Variants in SHISA9 observed in about 807,000 individuals in gnomAD.
SHISA9 encodes protein shisa-9.
In SHISA9, 13 loss-of-function variants were observed where a neutral mutation model predicts 38.0. The observed-to-expected ratio is 0.34, with a 90% confidence interval of 0.22 to 0.54. The LOEUF (loss-of-function observed/expected upper bound fraction) is 0.54, where lower values mean the gene tolerates loss of function less well. Among genes scored for constraint, SHISA9 ranks in the 20% least tolerant of loss-of-function variants. The pLI, the probability that SHISA9 is intolerant of heterozygous loss-of-function variation, is 0.91. For synonymous variants in SHISA9, 275 were observed against 242.0 expected (o/e 1.14, Z -1.27); for missense variants, 538 against 575.8 (o/e 0.93, Z 0.67).
chr16:13,345,447 T>C, the SHISA9 span, among the ~76,000 whole-genome samples: 1 of 152,204 alleles, frequency 6.6e-6, no homozygotes, highest in East Asian at 1.9e-4. Context: ...TGTTCTTTTT[T>C]TATTGCTACA....
At chr16:13,104,346 A>G (rs1442607824) in intron 2 of SHISA9, among the ~76,000 whole-genome samples, 2 of 152,076 alleles carry the variant, frequency 1.3e-5, no homozygotes, top group Non-Finnish European at 2.9e-5. Context: ...TTTCCCTCCT[A>G]GGCATCCACC....
the SHISA9 span, among the ~76,000 whole-genome samples, chr16:13,466,068 C>T: frequency 6.6e-6 from 1 of 152,306 alleles, no homozygotes; most frequent in African/African-American, 2.4e-5. Flanking sequence ...CACCATTAAC[C>T]ATTACCCCTA....
the SHISA9 span, among the ~76,000 whole-genome samples, chr16:13,409,838 A>G: frequency 2.0e-5 from 3 of 152,254 alleles, no homozygotes; most frequent in Non-Finnish European, 4.4e-5. Flanking sequence ...ATATGCGAAC[A>G]TGTAAACACC....
intron 2 of SHISA9, among the ~76,000 whole-genome samples, chr16:13,069,485 A>G (rs999131807): frequency 2.0e-5 from 3 of 149,644 alleles, no homozygotes; most frequent in African/African-American, 7.6e-5. Flanking sequence ...ATATGTGTAC[A>G]CACAATGCAT....
Position 13,035,046 on chromosome 16 carries a change from A to G in SHISA9, c.691+118231A>G, listed in dbSNP as rs142875817. 2.4e-3 allele frequency among the ~76,000 whole-genome samples: 372 copies of G among 152,368 alleles called. 7 individuals carry two copies. The highest frequency in any genetic ancestry group is 0.021 in the Admixed American group (327 of 15,302). ...GTTTTGGAGGGTGGTTTTAACATCA[A>G]CATTATTTGGTGGATTGTCTGTTAA... On this transcript the variant is annotated intron_variant, in intron 2 of 4. Transcript: ENST00000558583.
rs375225435 is a variant in SHISA9 at position 13,209,359 on chromosome 16, A to G, written c.848-3894A>G. ...ATGGGAAAGACATACATGAAAGTTAACTCATGTCAGGGATCTGATAAAACA... is the reference window on the plus strand; with the variant it reads ...ATGGGAAAGACATACATGAAAGTTAGCTCATGTCAGGGATCTGATAAAACA... On this transcript the variant is annotated intron_variant, in intron 3 of 4. Transcript: ENST00000558583. Among the ~76,000 whole-genome samples, 31 of 152,280 alleles carry G rather than the reference A, an allele frequency of 2.0e-4. 1 individual carries two copies. The South Asian group carries it at 5.0e-3, about 24-fold the overall frequency.
the SHISA9 span, among the ~76,000 whole-genome samples, chr16:13,361,243 G>C: frequency 6.6e-6 from 1 of 152,036 alleles, no homozygotes; most frequent in Admixed American, 6.6e-5. Flanking sequence ...GGGGTTGCTC[G>C]CTCTCTAGAG....
intron 2 of SHISA9, among the ~76,000 whole-genome samples, chr16:13,181,078 G>C (rs2050772387): frequency 6.6e-6 from 1 of 151,732 alleles, no homozygotes; most frequent in Admixed American, 6.6e-5. Flanking sequence ...GGGAAGACAG[G>C]TATCAAATAA....
At chr16:13,093,326 G>A (rs1452833666) in intron 2 of SHISA9, among the ~76,000 whole-genome samples, 1 of 152,188 alleles carries the variant, frequency 6.6e-6, no homozygotes, top group African/African-American at 2.4e-5. Context: ...ACTAGTTGGT[G>A]ATCTTGGTCC....
Position 12,942,213 on chromosome 16 carries a change from G to C in SHISA9, c.691+25398G>C, listed in dbSNP as rs538219849. ...CCCTTCTCAGGGATGAAGGGCAGGA[G>C]GTTTCAATTCTCTTGTATTTCCCTC... is the stretch of plus-strand genomic sequence containing the variant. On this transcript the variant is annotated intron_variant, in intron 2 of 4. Coordinates refer to ENST00000558583, the MANE Select transcript of SHISA9 (RefSeq NM_001145204.3). Among the ~76,000 whole-genome samples, 7 of 152,348 alleles carry C rather than the reference G, an allele frequency of 4.6e-5. No individual in the cohort carries two copies. In the East Asian group the frequency reaches 1.2e-3, roughly 25 times the overall value.
At chr16:13,291,506 T>A in the SHISA9 span, among the ~76,000 whole-genome samples, 1 of 152,190 alleles carries the variant, frequency 6.6e-6, no homozygotes, top group Non-Finnish European at 1.5e-5. Flanking sequence ...ATGTATTGCC[T>A]CTTTTTCATG....
At chr16:13,064,271 T>A (rs1309613614) in intron 2 of SHISA9, among the ~76,000 whole-genome samples, 1 of 152,200 alleles carries the variant, frequency 6.6e-6, no homozygotes, top group Non-Finnish European at 1.5e-5. Context: ...ATTGAGCACC[T>A]ACTATGTGCT....
chr16:13,300,309 T>C, the SHISA9 span, among the ~76,000 whole-genome samples: 70 of 152,156 alleles, frequency 4.6e-4, no homozygotes, highest in African/African-American at 1.5e-3. Flanking sequence ...GGAAGCCAGC[T>C]CCCCTGGAAC....
At chr16:13,150,372 C>T (rs2050488502) in intron 2 of SHISA9, among the ~76,000 whole-genome samples, 3 of 152,140 alleles carry the variant, frequency 2.0e-5, no homozygotes, top group African/African-American at 7.2e-5. Context: ...TGGGTTTCCT[C>T]TGATCTGTCA....
At chr16:12,916,868 G>A (rs2071265945) in intron 2 of SHISA9, 53 bp downstream of exon 2, 2 of 1,525,304 alleles carry the variant, frequency 1.3e-6, no homozygotes, top group Non-Finnish European at 1.8e-6. Flanking sequence ...CCTGAGCAGT[G>A]GTCACATTGC....
intron 2 of SHISA9, among the ~76,000 whole-genome samples, chr16:13,088,224 G>A (rs987965061): frequency 2.0e-5 from 3 of 152,090 alleles, no homozygotes; most frequent in African/African-American, 7.2e-5. Flanking sequence ...GGTTACTGTG[G>A]CCTTGTAGTA....
chr16:13,478,471 C>T, the SHISA9 span, among the ~76,000 whole-genome samples: 1 of 152,186 alleles, frequency 6.6e-6, no homozygotes, highest in Admixed American at 6.5e-5. Flanking sequence ...CTGGACTCCT[C>T]TGGGCCAGAC....
downstream of SHISA9, among the ~76,000 whole-genome samples, chr16:13,240,638 G>T (rs545677926): frequency 1.3e-5 from 2 of 152,282 alleles, no homozygotes; most frequent in Admixed American, 1.3e-4. Context: ...ACATCTCCTA[G>T]TTCACATCCT....
At chr16:13,557,077 G>C in the SHISA9 span, among the ~76,000 whole-genome samples, 16,976 of 152,162 alleles carry the variant, frequency 0.11, 1,091 homozygotes, top group Middle Eastern at 0.17. Flanking sequence ...ACTTAAAACA[G>C]TGCCTGGCAT....
Sources: allele counts gnomAD v4.1 joint callset (sites outside exome capture counted in the v4.1 genomes callset), GRCh38; gene constraint gnomAD v4.1.1; transcripts MANE v1.5; gene names NCBI Gene and HGNC (gene_info 2026-07-23, HGNC 2026-07-21).